The following HIVEP2 variants were observed in gnomAD, a reference collection of about 807,000 sequenced individuals.
HIVEP2 encodes HIVEP zinc finger 2.
In HIVEP2, 14 loss-of-function variants were observed where a neutral mutation model predicts 180.7. The observed-to-expected ratio is 0.08, with a 90% CI of 0.05 to 0.12. HIVEP2 has a LOEUF of 0.12. Ranked by LOEUF, HIVEP2 falls within the 10% of genes least tolerant of loss-of-function variation. HIVEP2 has a pLI of 1.00. For synonymous variants in HIVEP2, 1,184 were observed against 1,136.4 expected (o/e 1.04, Z -0.84); for missense variants, 2,579 against 3,008.5 (o/e 0.86, Z 3.34).
intron 2 of HIVEP2, among the ~76,000 whole-genome samples, chr6:142,818,856 A>T (rs934099292): frequency 6.6e-6 from 1 of 151,986 alleles, no homozygotes; most frequent in Non-Finnish European, 1.5e-5. Context: ...AATGCCCAGG[A>T]ACCAGGCAAG....
intron 2 of HIVEP2, among the ~76,000 whole-genome samples, chr6:142,787,506 T>A (rs927394670): frequency 9.3e-5 from 14 of 150,464 alleles, no homozygotes; most frequent in African/African-American, 3.2e-4. Context: ...GAGATATCAA[T>A]GTTCAAGATA....
chr6:142,765,080 T>C, intron 6 of HIVEP2, 106 bp from the exon 7 acceptor site: 1 of 999,926 alleles, frequency 1.0e-6, no homozygotes, highest in South Asian at 1.8e-5. Flanking sequence ...GAGGGTCTTT[T>C]GCAGACAATT....
intron 2 of HIVEP2, among the ~76,000 whole-genome samples, chr6:142,826,863 T>C (rs1284758458): frequency 6.6e-6 from 1 of 152,210 alleles, no homozygotes; most frequent in African/African-American, 2.4e-5. Flanking sequence ...GAAGGATGTA[T>C]TTTATCTAAA....
At chr6:142,856,067 G>T (rs1653022621) in intron 1 of HIVEP2, among the ~76,000 whole-genome samples, 1 of 152,046 alleles carries the variant, frequency 6.6e-6, no homozygotes, top group East Asian at 1.9e-4. Flanking sequence ...GTAAAAGCTG[G>T]CACTTTATAA....
At chr6:142,792,677 G>A (rs1412100609) in intron 2 of HIVEP2, among the ~76,000 whole-genome samples, 1 of 151,922 alleles carries the variant, frequency 6.6e-6, no homozygotes, top group African/African-American at 2.4e-5. Context: ...GCATACCTAT[G>A]TAACAAACCT....
intron 1 of HIVEP2, among the ~76,000 whole-genome samples, chr6:142,855,430 A>T (rs1455503017): frequency 6.6e-6 from 1 of 152,234 alleles, no homozygotes; most frequent in Non-Finnish European, 1.5e-5. Flanking sequence ...TCTTATCATT[A>T]GGAAGGACAG....
chr6:142,799,213 A>T (rs1776350104), intron 2 of HIVEP2, among the ~76,000 whole-genome samples: 1 of 152,170 alleles, frequency 6.6e-6, no homozygotes, highest in African/African-American at 2.4e-5. Context: ...TAAACAAAAC[A>T]TTACTACATA....
At chr6:142,859,025 TAAC>T (rs1346633000) in intron 1 of HIVEP2, among the ~76,000 whole-genome samples, 1 of 152,210 alleles carries the variant, frequency 6.6e-6, no homozygotes, top group African/African-American at 2.4e-5. Context: ...ACCTGGCACA[TAAC>T]AAGTGCTCAA....
rs1775475827 is a variant in HIVEP2 at position 142,769,850 on chromosome 6, G to A, written c.4889C>T (p.Ala1630Val). 1 of 1,614,038 alleles carries A rather than the reference G, an allele frequency of 6.2e-7. No homozygotes were observed. The highest frequency in any genetic ancestry group is 1.1e-5 in the South Asian group (1 of 91,092). The change falls in exon 5 of 10, where the codon GCA (alanine) becomes GTA (valine). Residue 1630 changes from alanine (A) to valine (V), a missense_variant. Physicochemically the swap from Ala to Val is moderately conservative, Grantham distance 64. Transcript: ENST00000367603. ...GAACTGAAGAATCTGCTGGAAATCTGCCATGTCCGTGAGAAGAAGAGTTGA... is the reference window on the plus strand; with the variant it reads ...GAACTGAAGAATCTGCTGGAAATCTACCATGTCCGTGAGAAGAAGAGTTGA... ...ADSTLLLTDM[A>V]DFQQILQFPS...
intron 3 of HIVEP2, chr6:142,779,647 A>C (rs192361616): frequency 2.6e-5 from 4 of 152,280 alleles, no homozygotes; most frequent in African/African-American, 9.6e-5. Context: ...AACAAAAAAC[A>C]GCATAAACTT....
At chr6:142,843,304 T>C (rs188115151) in intron 1 of HIVEP2, among the ~76,000 whole-genome samples, 1 of 152,286 alleles carries the variant, frequency 6.6e-6, no homozygotes, top group African/African-American at 2.4e-5. Context: ...ACTTACTAGT[T>C]ACCTGTGCCA....
At chr6:142,795,339 G>C (rs527768591) in intron 2 of HIVEP2, among the ~76,000 whole-genome samples, 16 of 151,764 alleles carry the variant, frequency 1.1e-4, no homozygotes, top group Admixed American at 3.3e-4. Context: ...ATCACTGAAG[G>C]GAAAAAATTT....
chr6:142,918,528 C>T (rs1445568549), intron 1 of HIVEP2, among the ~76,000 whole-genome samples: 5 of 152,194 alleles, frequency 3.3e-5, no homozygotes, highest in African/African-American at 1.2e-4. Context: ...GGCTTTGCGA[C>T]GCTGCAGGCC....
At chr6:142,906,000 G>A (rs1032327933) in intron 1 of HIVEP2, among the ~76,000 whole-genome samples, 2 of 152,164 alleles carry the variant, frequency 1.3e-5, no homozygotes, top group African/African-American at 4.8e-5. Flanking sequence ...TGGGCGTGGT[G>A]GCACATGCCT....
rs972746501 is a variant in HIVEP2, at chr6:142,784,294, A to C, written c.-527-679T>G. 4.6e-5 allele frequency among the ~76,000 whole-genome samples: 7 copies of C among 152,170 alleles called. 1 individual carries two copies. Among genetic ancestry groups the C allele is most frequent in the Admixed American group, 3.3e-4 (5 of 15,274 alleles). ...AATATTATAATACCCATAATCGTATATTTGTTATTTTTTTAAAAAAATCGC... is the reference window on the plus strand; with the variant it reads ...AATATTATAATACCCATAATCGTATCTTTGTTATTTTTTTAAAAAAATCGC... On this transcript the variant is annotated intron_variant, in intron 2 of 9. Transcript: ENST00000367603.
chr6:142,943,903 C>T lies in HIVEP2; in HGVS notation c.-641+1196G>A, dbSNP rs1009695378. ...TTCCTCTGGTCTCCTCGAAGTCATCCCCAGCGCCCCCCATCCGCCGCCCAC... is the reference window on the plus strand; with the variant it reads ...TTCCTCTGGTCTCCTCGAAGTCATCTCCAGCGCCCCCCATCCGCCGCCCAC... On this transcript the variant is annotated intron_variant, in intron 1 of 9. Transcript: ENST00000367603. The surrounding 1 kb of genome is among the most constrained non-coding windows in gnomAD (Gnocchi z 4.5). 6.6e-6 allele frequency among the ~76,000 whole-genome samples: 1 copy of T among 152,086 alleles called. No homozygotes were observed. The highest frequency in any genetic ancestry group is 1.5e-5 in the Non-Finnish European group (1 of 68,014).
chr6:142,770,632 G>C lies in HIVEP2; in HGVS notation c.4107C>G (p.Val1369=), dbSNP rs34947356. 3 of 1,613,954 alleles carry C rather than the reference G, an allele frequency of 1.9e-6. No individual in the cohort carries two copies. In the Admixed American group the frequency reaches 5.0e-5, roughly 27 times the overall value. Residue 1369 remains valine, a synonymous_variant, in exon 5 of 10, where the codon GTC becomes GTG. Coordinates refer to ENST00000367603, the MANE Select transcript of HIVEP2 (RefSeq NM_006734.4). The surrounding 1 kb of genome is among the most constrained non-coding windows in gnomAD (Gnocchi z 4.7). ...GTGTCCTTTGGGTCATATTCTCATCGACTTTGCATATGACAATGGCAGGGC... is the reference window on the plus strand; with the variant it reads ...GTGTCCTTTGGGTCATATTCTCATCCACTTTGCATATGACAATGGCAGGGC... ...QNSPAIVICK[V]DENMTQRTLV...
At chr6:142,942,791 T>C (rs1315011629) in intron 1 of HIVEP2, among the ~76,000 whole-genome samples, 2 of 152,194 alleles carry the variant, frequency 1.3e-5, no homozygotes, top group Non-Finnish European at 2.9e-5. Context: ...TGAATACCCT[T>C]GTATAAATAT....
At chr6:142,923,948 G>A (rs374065800) in intron 1 of HIVEP2, among the ~76,000 whole-genome samples, 2 of 152,324 alleles carry the variant, frequency 1.3e-5, no homozygotes, top group South Asian at 2.1e-4. Flanking sequence ...CTAGGTAAAG[G>A]CCGAGGGTTA....
Sources: allele counts gnomAD v4.1 joint callset (sites outside exome capture counted in the v4.1 genomes callset), GRCh38; gene constraint gnomAD v4.1.1; non-coding constraint Gnocchi (gnomAD v3.1); transcripts MANE v1.5; gene names NCBI Gene and HGNC (gene_info 2026-07-23, HGNC 2026-07-21).